Variants in TMTC1 observed in about 807,000 individuals in gnomAD.
TMTC1 encodes transmembrane O-mannosyltransferase targeting cadherins 1, also known as protein O-mannosyl-transferase TMTC1.
A neutral mutation model predicts 104.8 loss-of-function variants in TMTC1; 73 were observed. The ratio of observed to expected loss-of-function variants is 0.70; its 90% confidence interval spans 0.58 to 0.85. TMTC1 has a LOEUF of 0.85. TMTC1 is among the 40% of genes least tolerant of loss of function. TMTC1 has a pLI of 0.00. For synonymous variants in TMTC1, 434 were observed against 428.7 expected (o/e 1.01, Z -0.15); for missense variants, 1,035 against 1,096.1 (o/e 0.94, Z 0.79).
At chr12:29,640,246 C>A (rs190640129) in intron 5 of TMTC1, among the ~76,000 whole-genome samples, 1 of 152,140 alleles carries the variant, frequency 6.6e-6, no homozygotes, top group Non-Finnish European at 1.5e-5. Flanking sequence ...CAATTAAAGG[C>A]GGAGACTATT....
chr12:29,567,003 C>G (rs1945534014), intron 9 of TMTC1, among the ~76,000 whole-genome samples: 1 of 152,180 alleles, frequency 6.6e-6, no homozygotes, highest in South Asian at 2.1e-4. Context: ...GAGTTGCCTC[C>G]CCAAGGCTAG....
chr12:29,678,477 G>C (rs1318604075), intron 5 of TMTC1, among the ~76,000 whole-genome samples: 1 of 152,272 alleles, frequency 6.6e-6, no homozygotes, highest in East Asian at 1.9e-4. Flanking sequence ...ATGAAGACAA[G>C]CATGGTGACC....
intron 8 of TMTC1, among the ~76,000 whole-genome samples, chr12:29,573,322 T>C (rs1296797303): frequency 1.3e-5 from 2 of 152,160 alleles, no homozygotes; most frequent in Non-Finnish European, 2.9e-5. Context: ...GCAGAATCAT[T>C]AAAAAGGATC....
At chr12:29,520,462 G>A (rs902393690) in intron 12 of TMTC1, among the ~76,000 whole-genome samples, 156 bp downstream of exon 12, 1 of 152,174 alleles carries the variant, frequency 6.6e-6, no homozygotes, top group Non-Finnish European at 1.5e-5. Flanking sequence ...TGAAGATCTA[G>A]AGAAATGACA....
intron 5 of TMTC1, among the ~76,000 whole-genome samples, chr12:29,683,818 A>C (rs1941001258): frequency 6.6e-6 from 1 of 151,876 alleles, no homozygotes; most frequent in Non-Finnish European, 1.5e-5. Flanking sequence ...CTAAACTAAA[A>C]TTAGTAAAGA....
At chr12:29,671,752 C>T (rs1363214168) in intron 5 of TMTC1, among the ~76,000 whole-genome samples, 1 of 152,212 alleles carries the variant, frequency 6.6e-6, no homozygotes, top group East Asian at 1.9e-4. Context: ...CCTTTTTACA[C>T]TTGCTGCACT....
At chr12:29,683,845 A>T (rs895655049) in intron 5 of TMTC1, among the ~76,000 whole-genome samples, 1 of 140,984 alleles carries the variant, frequency 7.1e-6, no homozygotes, top group African/African-American at 2.6e-5. Flanking sequence ...ATTTCCTATC[A>T]TTTTTTTTTT....
intron 6 of TMTC1, among the ~76,000 whole-genome samples, chr12:29,614,688 G>A (rs1454204251): frequency 6.6e-6 from 1 of 152,144 alleles, no homozygotes; most frequent in Non-Finnish European, 1.5e-5. Context: ...TATCTCAAGT[G>A]TATATAAAAG....
intron 5 of TMTC1, among the ~76,000 whole-genome samples, chr12:29,673,478 G>A (rs741616): frequency 0.21 from 32,452 of 151,820 alleles, 3,873 homozygotes; most frequent in East Asian, 0.28. Context: ...ATAATTTTTC[G>A]AACATTCTTC....
At chr12:29,564,643 G>A (rs1002267166) in intron 9 of TMTC1, among the ~76,000 whole-genome samples, 1 of 152,142 alleles carries the variant, frequency 6.6e-6, no homozygotes, top group African/African-American at 2.4e-5. Context: ...GGGAGCTGAT[G>A]CCAGAATGTA....
intron 1 of TMTC1, among the ~76,000 whole-genome samples, chr12:29,775,057 A>C (rs953224303): frequency 6.6e-6 from 1 of 152,190 alleles, no homozygotes; most frequent in Non-Finnish European, 1.5e-5. Flanking sequence ...TAATAACTGT[A>C]CTAAAGAAAG....
intron 7 of TMTC1, among the ~76,000 whole-genome samples, chr12:29,603,856 T>G (rs967197834): frequency 2.0e-5 from 3 of 152,250 alleles, no homozygotes; most frequent in Admixed American, 2.0e-4. Context: ...AGAAAAGTAT[T>G]ATAATTCTGT....
rs533561769 is a variant in TMTC1 at position 29,579,689 on chromosome 12, C to T, written c.1418+3718G>A. Among the ~76,000 whole-genome samples the T allele has an allele frequency of 2.6e-5, 4 of 152,280 alleles. No individual in the cohort carries two copies. The South Asian group carries it at 8.3e-4, about 32-fold the overall frequency. ...ATTATGCTATTATGGTATTTATTTACTCCAAACAAATGTAGGGTTCTGGGC... is the reference window on the plus strand; with the variant it reads ...ATTATGCTATTATGGTATTTATTTATTCCAAACAAATGTAGGGTTCTGGGC... On this transcript the variant is annotated intron_variant, in intron 8 of 17. Transcript: ENST00000539277.
rs376336073 is a variant in TMTC1 at position 29,567,676 on chromosome 12, G to A, written c.1532+4429C>T. Among the ~76,000 whole-genome samples, 4 of 152,324 alleles carry A rather than the reference G, an allele frequency of 2.6e-5. No individual in the cohort carries two copies. In the East Asian group the frequency reaches 7.7e-4, roughly 29 times the overall value. ...GAAATACATGGCAGCTGGTATCCAA[G>A]TCCACCTGTAGTCATGAGAGAGTTA... On this transcript the variant is annotated intron_variant, in intron 9 of 17. Transcript: ENST00000539277.
chr12:29,746,583 T>G (rs899171686), intron 5 of TMTC1, among the ~76,000 whole-genome samples: 1 of 152,204 alleles, frequency 6.6e-6, no homozygotes, highest in African/African-American at 2.4e-5. Flanking sequence ...ATGAAAGGTC[T>G]ACAGCAATAA....
At chr12:29,728,736 C>G (rs1012043052) in intron 5 of TMTC1, among the ~76,000 whole-genome samples, 1 of 151,948 alleles carries the variant, frequency 6.6e-6, no homozygotes, top group African/African-American at 2.4e-5. Flanking sequence ...CAGTGGCTTA[C>G]GCCTGTAATC....
At position 29,550,933 on chromosome 12, in the gene TMTC1, C is replaced by CAAAAAAAAAAAAAAAA. The variant is rs200605964; in HGVS notation, c.1676+5908_1676+5923dup. On this transcript the variant is annotated intron_variant, in intron 10 of 17. Transcript: ENST00000539277. ...TGGGGGAGAGAGTGGGACTCCATCT[C>CAAAAAAAAAAAAAAAA]AAAAAAAAAAAAAAAAAAAAAAAAA... 5.5e-5 allele frequency among the ~76,000 whole-genome samples: 6 copies of CAAAAAAAAAAAAAAAA among 108,324 alleles called. 1 individual carries two copies. The highest frequency in any genetic ancestry group is 2.4e-4 in the African/African-American group (6 of 25,292). The allele number at this position is 108,324 out of a possible 152,430, so 71.1% of individuals were successfully genotyped here. A position where few individuals can be genotyped will look rare whatever the true frequency, so the allele number is the denominator to read the frequency against.
At chr12:29,762,540 C>T (rs1195137442) in intron 2 of TMTC1, among the ~76,000 whole-genome samples, 4 of 152,184 alleles carry the variant, frequency 2.6e-5, no homozygotes, top group Non-Finnish European at 5.9e-5. Context: ...TTAAAATCTA[C>T]ATAAAACATA....
intron 5 of TMTC1, among the ~76,000 whole-genome samples, chr12:29,690,213 C>T (rs1941225434): frequency 6.6e-6 from 1 of 152,174 alleles, no homozygotes; most frequent in Non-Finnish European, 1.5e-5. Context: ...ATTCAGTGAA[C>T]TAGAGTAACA....
Sources: allele counts gnomAD v4.1 joint callset (sites outside exome capture counted in the v4.1 genomes callset), GRCh38; gene constraint gnomAD v4.1.1; transcripts MANE v1.5; gene names NCBI Gene and HGNC (gene_info 2026-07-23, HGNC 2026-07-21).